The following RNF213 variants were observed in gnomAD, a reference collection of about 807,000 sequenced individuals.
The protein encoded by RNF213 is ring finger protein 213.
In RNF213, 341 loss-of-function variants were observed where a neutral mutation model predicts 514.4. The ratio of observed to expected loss-of-function variants is 0.66; its 90% CI spans 0.61 to 0.73. RNF213 has a LOEUF of 0.73. Among genes scored for constraint, RNF213 ranks in the 30% least tolerant of loss-of-function variants. The probability of loss-of-function intolerance (pLI) is 0.00; values close to 1 mark genes in which losing one functional copy is unlikely to be tolerated. For missense variants in RNF213, 5,767 were observed against 6,615.6 expected (o/e 0.87, Z 4.45); for synonymous variants, 2,655 against 2,658.2 (o/e 1.00, Z 0.04).
intron 32 of RNF213, 170 bp from the exon 33 acceptor site, chr17:80,352,770 G>A (rs1459136552): frequency 3.4e-5 from 32 of 934,496 alleles, no homozygotes; most frequent in South Asian, 2.4e-4. Flanking sequence ...GTATAGTATC[G>A]GGTTGGGTGG....
At position 80,372,648 on chromosome 17, in the gene RNF213, C is replaced by T. The variant is rs761138963; in HGVS notation, c.12665C>T (p.Ser4222Leu). ...GGCCGAGAGCCTGCCAACGAGGCCTCGGTTGAATACCTGCAAGAGGTGGCC... is the reference window on the plus strand; with the variant it reads ...GGCCGAGAGCCTGCCAACGAGGCCTTGGTTGAATACCTGCAAGAGGTGGCC... Reference protein sequence around the residue: ...SRGREPANEASVEYLQEVARI... With the variant: ...SRGREPANEALVEYLQEVARI... Residue 4222 changes from serine (S) to leucine (L), a missense_variant, in exon 48 of 68, where the codon TCG (serine) becomes TTG (leucine). This residue lies in a region of RNF213 where 1,245 missense variants were observed against 1,339.0 expected (regional missense o/e 0.93). Transcript: ENST00000582970. The T allele has an allele frequency of 1.4e-5, 22 of 1,613,926 alleles. No homozygotes were observed. The highest frequency in any genetic ancestry group is 1.5e-5 in the Non-Finnish European group (18 of 1,180,024).
At chr17:80,313,249 G>A in intron 15 of RNF213, 82 bp downstream of exon 15, 2 of 1,564,258 alleles carry the variant, frequency 1.3e-6, no homozygotes, top group Non-Finnish European at 1.8e-6. Flanking sequence ...GGTACAGGCT[G>A]CTGGCCAGGG....
Position 80,264,557 on chromosome 17 carries a change from A to G in RNF213, c.97+779A>G, listed in dbSNP as rs2145077499. On this transcript the variant is annotated intron_variant, in intron 2 of 67. Coordinates refer to ENST00000582970, the MANE Select transcript of RNF213 (RefSeq NM_001256071.3). This position sits in a 1 kb window ranked among gnomAD's most constrained non-coding sequence, Gnocchi z 5.0. ...GTGTCCAAAGCCCAGCCCCACCTCC[A>G]CTGGTGAGGGCACCTCATTCTTCCA... Among the ~76,000 whole-genome samples, 1 of 152,066 alleles carries G rather than the reference A, an allele frequency of 6.6e-6. No homozygotes were observed. The highest frequency in any genetic ancestry group is 2.4e-5 in the African/African-American group (1 of 41,506).
intron 2 of RNF213, among the ~76,000 whole-genome samples, chr17:80,272,590 G>A (rs960174225): frequency 2.0e-5 from 3 of 152,292 alleles, no homozygotes; most frequent in Admixed American, 6.5e-5. Context: ...TTGCCCTCAC[G>A]ACCCACAGAC....
intron 2 of RNF213, among the ~76,000 whole-genome samples, chr17:80,270,098 G>A (rs371187357): frequency 1.3e-5 from 2 of 152,340 alleles, no homozygotes; most frequent in East Asian, 1.9e-4. Flanking sequence ...TCTCCTCTGC[G>A]TGAATGTGTG....
rs2079532791 is a variant in RNF213 at position 80,371,912 on chromosome 17, C to A, written c.12464C>A (p.Thr4155Asn). The change falls in exon 47 of 68, where the codon ACC (threonine) becomes AAC (asparagine). Residue 4155 changes from threonine to asparagine, a missense_variant. Thr to Asn is a moderately conservative substitution (Grantham distance 65). Coordinates refer to ENST00000582970, the MANE Select transcript of RNF213 (RefSeq NM_001256071.3). ...DVKDYIQEYL[T>N]LLKKKAFITE... ...AAAGATTATATTCAGGAATATTTGA[C>A]CCTGTTAAAAAAGAAAGCATTCATA... 1.3e-6 allele frequency: 2 copies of A among 1,576,962 alleles called. No homozygotes were observed. The highest frequency in any genetic ancestry group is 1.1e-5 in the South Asian group (1 of 90,286).
chr17:80,392,521 G>A (rs2080515642), intron 67 of RNF213, among the ~76,000 whole-genome samples: 2 of 152,194 alleles, frequency 1.3e-5, no homozygotes, highest in Non-Finnish European at 2.9e-5. Context: ...GCAGCAGTCA[G>A]GCACCAGAGC....
chr17:80,305,285 T>C (rs987759579), intron 11 of RNF213, among the ~76,000 whole-genome samples: 1 of 150,918 alleles, frequency 6.6e-6, no homozygotes, highest in African/African-American at 2.5e-5. Context: ...TTCAAGTGAT[T>C]CTCCTGCCTC....
intron 2 of RNF213, among the ~76,000 whole-genome samples, chr17:80,268,815 G>A (rs1330645949): frequency 1.3e-5 from 2 of 152,152 alleles, no homozygotes; most frequent in Non-Finnish European, 2.9e-5. Context: ...GAAAGGGAGT[G>A]TATTATGGAG....
chr17:80,292,874 A>C (rs965987038), intron 8 of RNF213, among the ~76,000 whole-genome samples: 1 of 152,066 alleles, frequency 6.6e-6, no homozygotes, highest in Non-Finnish European at 1.5e-5. Flanking sequence ...CTTGGCAACC[A>C]GGGCCTCCCT....
At chr17:80,296,030 T>A (rs1253188760) in intron 10 of RNF213, among the ~76,000 whole-genome samples, 1 of 152,098 alleles carries the variant, frequency 6.6e-6, no homozygotes, top group Non-Finnish European at 1.5e-5. Flanking sequence ...TGCCTTTTGT[T>A]TTCCCCCCAG....
chr17:80,269,109 C>T (rs965267273), intron 2 of RNF213, among the ~76,000 whole-genome samples: 4 of 152,176 alleles, frequency 2.6e-5, no homozygotes, highest in Non-Finnish European at 4.4e-5. Context: ...GAAGACTCAG[C>T]GAGCCAGCTT....
chr17:80,292,749 C>T (rs1050471114), intron 8 of RNF213, among the ~76,000 whole-genome samples: 12 of 152,002 alleles, frequency 7.9e-5, no homozygotes, highest in African/African-American at 2.9e-4. Context: ...ATCACCTGGA[C>T]TCCCAGTGCC....
chr17:80,390,191 G>C lies in RNF213; in HGVS notation c.15465G>C (p.Gln5155His), dbSNP rs1568175728. The C allele has an allele frequency of 3.1e-6, 5 of 1,614,070 alleles. No homozygotes were observed. In the African/African-American group the frequency reaches 4.0e-5, roughly 13 times the overall value. The change falls in exon 67 of 68, where the codon CAG (glutamine) becomes CAC (histidine). Residue 5155 changes from glutamine to histidine, a missense_variant. Gln to His is a conservative substitution (Grantham distance 24). Coordinates refer to ENST00000582970, the MANE Select transcript of RNF213 (RefSeq NM_001256071.3). The stretch of plus-strand genomic sequence containing the variant: ...AAACCGAGGAGCGCTTCCGCCCTCA[G>C]TGGAGGTATGGATTTGCACACCTAT... ...QTQTEERFRP[Q>H]WSLRDTLVSY... is the part of the protein sequence containing the mutation.
intron 6 of RNF213, 63 bp from the exon 7 acceptor site, chr17:80,290,507 G>A: frequency 6.3e-7 from 1 of 1,595,654 alleles, no homozygotes; most frequent in South Asian, 1.1e-5. Flanking sequence ...GCGCGTGTGT[G>A]CATGCACATG....
At chr17:80,276,092 GTTTTA>G (rs2044046378) in intron 3 of RNF213, among the ~76,000 whole-genome samples, 1 of 142,488 alleles carries the variant, frequency 7.0e-6, no homozygotes, top group Non-Finnish European at 1.5e-5. Flanking sequence ...TTTATTTTTT[GTTTTA>G]TTTATTTATT....
rs1348905002 is a variant in RNF213, at chr17:80,291,647, G to A, written c.1291G>A (p.Val431Ile). ...TCACAGAGACTTGGGTCATGACCGC[G>A]TTCTTGTTGAAGGCATTGTCTGCAT... ...HYTRDLGHDR[V>I]LVEGIVCISK... Residue 431 changes from valine (V) to isoleucine (I), a missense_variant, in exon 8 of 68, where the codon GTT (valine) becomes ATT (isoleucine). Around this residue, in one of 13 missense-constraint regions of RNF213, gnomAD observed 592 missense variants for 673.9 expected, o/e 0.88. Transcript: ENST00000582970. The A allele has an allele frequency of 1.2e-6, 2 of 1,614,082 alleles. No individual in the cohort carries two copies. The highest frequency in any genetic ancestry group is 1.3e-5 in the African/African-American group (1 of 74,928).
chr17:80,377,407 T>G lies in RNF213; in HGVS notation c.13511-355T>G, dbSNP rs1030078973. 6.6e-6 allele frequency among the ~76,000 whole-genome samples: 1 copy of G among 151,246 alleles called. No homozygotes were observed. Among genetic ancestry groups the G allele is most frequent in the African/African-American group, 2.4e-5 (1 of 41,174 alleles). ...CCTGAGTAAATATTTTAAAACTAGT[T>G]TTTAAAGTTGTTATAAAATATGCTC... On this transcript the variant is annotated intron_variant, in intron 53 of 67. Transcript: ENST00000582970. This position sits in a 1 kb window ranked among gnomAD's most constrained non-coding sequence, Gnocchi z 4.1.
rs118129095 is a variant in RNF213, at chr17:80,365,825, C to T, written c.11871+1272C>T. ...CTGGGAGATGCACAGGGCTTTCAGC[C>T]AGGTCCAGCGTGGGTCATAAGGGCC... On this transcript the variant is annotated intron_variant, in intron 42 of 67. Coordinates refer to ENST00000582970, the MANE Select transcript of RNF213 (RefSeq NM_001256071.3). Among the ~76,000 whole-genome samples the T allele has an allele frequency of 2.3e-3, 354 of 152,322 alleles. 1 individual carries two copies. Among genetic ancestry groups the T allele is most frequent in the Non-Finnish European group, 3.9e-3 (262 of 68,024 alleles).
Sources: gnomAD v4.1 joint callset for allele counts (sites outside exome capture counted in the v4.1 genomes callset) on GRCh38, gnomAD v4.1.1 for gene constraint, gnomAD v4.1.1 regional missense constraint, Gnocchi (gnomAD v3.1) non-coding constraint, MANE v1.5 for transcripts, NCBI Gene and HGNC (gene_info 2026-07-23, HGNC 2026-07-21) for gene names.